Variants in NR6A1 observed in about 807,000 individuals in gnomAD.
NR6A1 encodes retinoic acid receptor-related testis-associated receptor.
In NR6A1, 7 loss-of-function variants were observed where a neutral mutation model predicts 59.1. The observed-to-expected ratio is 0.12, with a 90% CI of 0.07 to 0.22. NR6A1 has a LOEUF of 0.22. Ranked by LOEUF, NR6A1 falls within the 10% of genes least tolerant of loss-of-function variation. The pLI, the probability that NR6A1 is intolerant of heterozygous loss-of-function variation, is 1.00. For missense variants in NR6A1, 468 were observed against 611.6 expected (o/e 0.77, Z 2.48); for synonymous variants, 243 against 236.1 (o/e 1.03, Z -0.27).
chr9:124,741,379 A>T (rs1840169097), intron 1 of NR6A1, among the ~76,000 whole-genome samples: 1 of 152,256 alleles, frequency 6.6e-6, no homozygotes, highest in Non-Finnish European at 1.5e-5. Context: ...TAGGTCCATC[A>T]GCCTGCAAAT....
chr9:124,601,638 T>C (rs1019707162), intron 2 of NR6A1, among the ~76,000 whole-genome samples: 6 of 146,848 alleles, frequency 4.1e-5, no homozygotes, highest in Non-Finnish European at 9.0e-5. Flanking sequence ...AAAGACTATA[T>C]ATAGACTATA....
rs140316155 is a variant in NR6A1, at chr9:124,653,054, T to C, written c.142+80254A>G. Among the ~76,000 whole-genome samples, 726 of 152,308 alleles carry C rather than the reference T, an allele frequency of 4.8e-3. 6 individuals are homozygous for C. Among genetic ancestry groups the C allele is most frequent in the African/African-American group, 0.016 (676 of 41,566 alleles). On this transcript the variant is annotated intron_variant, in intron 2 of 9. Coordinates refer to ENST00000487099, the MANE Select transcript of NR6A1 (RefSeq NM_033334.4). ...ATTAAAGGTTATTTGTGCTTTTTTTTCCCTTCAGTTTCATTAATAGAGAAT... is the reference window on the plus strand; with the variant it reads ...ATTAAAGGTTATTTGTGCTTTTTTTCCCCTTCAGTTTCATTAATAGAGAAT...
intron 2 of NR6A1, among the ~76,000 whole-genome samples, chr9:124,732,052 G>T (rs1009860713): frequency 6.6e-6 from 1 of 152,040 alleles, no homozygotes; most frequent in Non-Finnish European, 1.5e-5. Flanking sequence ...ATATTTCCCT[G>T]GTGTTTGATA....
chr9:124,640,492 T>C (rs1476849389), intron 2 of NR6A1, among the ~76,000 whole-genome samples: 1 of 152,088 alleles, frequency 6.6e-6, no homozygotes, highest in Non-Finnish European at 1.5e-5. Context: ...CATGAACTCA[T>C]GGGCTCAAGC....
At chr9:124,728,665 T>TAAAG (rs1403219433) in intron 2 of NR6A1, among the ~76,000 whole-genome samples, 1 of 150,514 alleles carries the variant, frequency 6.6e-6, no homozygotes, top group Non-Finnish European at 1.5e-5. Flanking sequence ...AATAAATAAA[T>TAAAG]AAATAAAGTA....
chr9:124,680,381 T>G (rs1838108498), intron 2 of NR6A1, among the ~76,000 whole-genome samples: 1 of 152,056 alleles, frequency 6.6e-6, no homozygotes, highest in African/African-American at 2.4e-5. Flanking sequence ...TCAATATCTA[T>G]TAAATAAACT....
chr9:124,595,756 T>TTGTA (rs1835254303), intron 2 of NR6A1: 1 of 1,284,650 alleles, frequency 7.8e-7, no homozygotes. Context: ...TACCTTCCCA[T>TTGTA]GTCTCCATTT....
At chr9:124,549,960 G>A (rs1376516219) in intron 3 of NR6A1, among the ~76,000 whole-genome samples, 1 of 152,196 alleles carries the variant, frequency 6.6e-6, no homozygotes, top group Non-Finnish European at 1.5e-5. Flanking sequence ...TCTCCAATCT[G>A]TGACAGCTCA....
chr9:124,685,289 C>T (rs564044213), intron 2 of NR6A1, among the ~76,000 whole-genome samples: 3 of 152,318 alleles, frequency 2.0e-5, no homozygotes, highest in Non-Finnish European at 4.4e-5. Context: ...GGAATCTGCA[C>T]TTTTAGCAGG....
chr9:124,632,873 C>A (rs1263464477), intron 2 of NR6A1, among the ~76,000 whole-genome samples: 1 of 152,110 alleles, frequency 6.6e-6, no homozygotes, highest in Non-Finnish European at 1.5e-5. Context: ...AAACTATAAC[C>A]CCTCTATGGA....
intron 2 of NR6A1, among the ~76,000 whole-genome samples, chr9:124,695,726 T>TA (rs1242174225): frequency 6.6e-6 from 1 of 152,160 alleles, no homozygotes; most frequent in African/African-American, 2.4e-5. Flanking sequence ...CAGAAGGTAC[T>TA]CCACGCAGTC....
Position 124,636,059 on chromosome 9 carries a change from T to C in NR6A1, c.143-81489A>G, listed in dbSNP as rs115615020. On this transcript the variant is annotated intron_variant, in intron 2 of 9. Coordinates refer to ENST00000487099, the MANE Select transcript of NR6A1 (RefSeq NM_033334.4). ...AATTTTGGCCATTCTAATAGTTGTGTAGTGGTTTCTGATTGTTGTTTTAAT... is the reference window on the plus strand; with the variant it reads ...AATTTTGGCCATTCTAATAGTTGTGCAGTGGTTTCTGATTGTTGTTTTAAT... 2.8e-3 allele frequency among the ~76,000 whole-genome samples: 423 copies of C among 152,336 alleles called. 2 individuals carry two copies. Among genetic ancestry groups the C allele is most frequent in the African/African-American group, 9.7e-3 (404 of 41,566 alleles).
At chr9:124,641,869 G>C (rs535573271) in intron 2 of NR6A1, among the ~76,000 whole-genome samples, 1 of 152,286 alleles carries the variant, frequency 6.6e-6, no homozygotes, top group South Asian at 2.1e-4. Context: ...TTAAGACAGG[G>C]TTAAATGGAG....
chr9:124,735,244 A>C (rs892596316), intron 1 of NR6A1, among the ~76,000 whole-genome samples: 1 of 152,244 alleles, frequency 6.6e-6, no homozygotes, highest in Non-Finnish European at 1.5e-5. Flanking sequence ...CCATTTGGTA[A>C]AAATGACTCA....
At position 124,581,435 on chromosome 9, in the gene NR6A1, T is replaced by C. The variant is rs536698461; in HGVS notation, c.143-26865A>G. On this transcript the variant is annotated intron_variant, in intron 2 of 9. Transcript: ENST00000487099. ...GGTGAAACCCCGTCTCTACTAAAAA[T>C]AGAAAAATTAGCTGGGCATGGTGGT... 3.3e-5 allele frequency among the ~76,000 whole-genome samples: 5 copies of C among 151,832 alleles called. No homozygotes were observed. In the East Asian group the frequency reaches 9.7e-4, roughly 29 times the overall value.
chr9:124,682,135 C>T (rs1366330001), intron 2 of NR6A1, among the ~76,000 whole-genome samples: 22 of 152,082 alleles, frequency 1.4e-4, no homozygotes, highest in Non-Finnish European at 7.4e-5. Flanking sequence ...GCTGGGACTA[C>T]AGGCGCCCAC....
chr9:124,599,571 C>T, intron 2 of NR6A1: 2 of 1,013,680 alleles, frequency 2.0e-6, no homozygotes, highest in Non-Finnish European at 2.6e-6. Flanking sequence ...GTGTCCGTGG[C>T]AGCCGCCATG....
chr9:124,521,253 C>A lies in NR6A1; in HGVS notation c.*1452G>T, dbSNP rs147223811. 768 of 152,758 alleles carry A rather than the reference C, an allele frequency of 5.0e-3. 2 individuals are homozygous for A. The highest frequency in any genetic ancestry group is 7.3e-3 in the Non-Finnish European group (500 of 68,376). 9.5% of individuals were successfully genotyped at this position (152,758 alleles called of 1,614,324 possible). A position where few individuals can be genotyped will look rare whatever the true frequency, so the allele number is the denominator to read the frequency against. The stretch of plus-strand genomic sequence containing the variant: ...GCCAAAGTCAAGAGGGTAAGGAACA[C>A]GTCCTGGGATAAGGTGGGGCAGGTA... On this transcript the variant is annotated 3_prime_UTR_variant, in exon 10 of 10. Transcript: ENST00000487099.
intron 7 of NR6A1, among the ~76,000 whole-genome samples, chr9:124,531,380 A>G (rs1215044528): frequency 1.3e-5 from 2 of 152,212 alleles, no homozygotes; most frequent in Non-Finnish European, 2.9e-5. Context: ...ATTTGATTCA[A>G]TATTTGAGAA....
Sources: allele counts gnomAD v4.1 joint callset (sites outside exome capture counted in the v4.1 genomes callset), GRCh38; gene constraint gnomAD v4.1.1; transcripts MANE v1.5; gene names NCBI Gene and HGNC (gene_info 2026-07-23, HGNC 2026-07-21).